Variants in BPTF observed in about 807,000 individuals in gnomAD.
The protein encoded by BPTF is nucleosome-remodeling factor subunit BPTF.
Under a neutral mutation model 292.5 loss-of-function variants are expected in BPTF, and 18 were observed. The ratio of observed to expected loss-of-function variants is 0.06; its 90% CI spans 0.04 to 0.09. The LOEUF is 0.09. Ranked by LOEUF, BPTF falls within the 10% of genes least tolerant of loss-of-function variation. The probability of loss-of-function intolerance (pLI) is 1.00; values close to 1 mark genes in which losing one functional copy is unlikely to be tolerated. For missense variants in BPTF, 2,726 were observed against 3,498.7 expected (o/e 0.78, Z 5.57); for synonymous variants, 1,225 against 1,251.9 (o/e 0.98, Z 0.45).
At chr17:67,966,743 A>G (rs1391799428) in intron 26 of BPTF, 87 bp downstream of exon 26, 3 of 1,180,542 alleles carry the variant, frequency 2.5e-6, no homozygotes, top group Non-Finnish European at 2.3e-6. Context: ...GAATATTTTT[A>G]GCAAGGCTGG....
intron 15 of BPTF, 122 bp from the exon 16 acceptor site, chr17:67,928,233 T>C: frequency 9.1e-7 from 1 of 1,099,616 alleles, no homozygotes; most frequent in Non-Finnish European, 1.3e-6. Context: ...GGAAGTAAAA[T>C]ACTTCAGAAA....
At position 67,842,231 on chromosome 17, in the gene BPTF, C is replaced by T. The variant is rs146642163; in HGVS notation, c.614-11709C>T. Among the ~76,000 whole-genome samples the T allele has an allele frequency of 1.1e-3, 161 of 152,126 alleles. 1 individual carries two copies. Among genetic ancestry groups the T allele is most frequent in the African/African-American group, 3.6e-3 (148 of 41,474 alleles). On this transcript the variant is annotated intron_variant, in intron 1 of 27. Transcript: ENST00000306378. ...ATTGTATATATACATAGACATATATCTACATACATTGACAGATATATATCT... is the reference window on the plus strand; with the variant it reads ...ATTGTATATATACATAGACATATATTTACATACATTGACAGATATATATCT...
chr17:67,968,310 C>T (rs1227229351), intron 26 of BPTF, among the ~76,000 whole-genome samples: 5 of 150,796 alleles, frequency 3.3e-5, no homozygotes. Flanking sequence ...GAAAAATAAA[C>T]GTAATGAAGT....
chr17:67,969,569 A>G (rs912564431), intron 26 of BPTF, among the ~76,000 whole-genome samples: 8 of 151,316 alleles, frequency 5.3e-5, no homozygotes, highest in African/African-American at 1.9e-4. Flanking sequence ...ATCTTCTTCG[A>G]AAACCCATGA....
rs1487429451 is a variant in BPTF at position 67,860,747 on chromosome 17, CAG to C, written c.1437-5714_1437-5713del. Reference sequence around the variant, plus strand: ...ATTATATTTCATTTTTTTGCAGAGACAGAGTCTCACTATGTTGCCAGGCTGGT... The same window carrying C: ...ATTATATTTCATTTTTTTGCAGAGACAGTCTCACTATGTTGCCAGGCTGGT... On this transcript the variant is annotated intron_variant, in intron 2 of 27. Transcript: ENST00000306378. Among the ~76,000 whole-genome samples the C allele has an allele frequency of 6.6e-5, 10 of 152,268 alleles. No homozygotes were observed. The East Asian group carries it at 1.2e-3, about 18-fold the overall frequency.
intron 18 of BPTF, chr17:67,936,538 T>C (rs1458203012): frequency 6.6e-6 from 1 of 152,206 alleles, no homozygotes; most frequent in Non-Finnish European, 1.5e-5. Context: ...CTGACATGCA[T>C]AAGTGAATGT....
At chr17:67,863,774 T>A (rs1372046985) in intron 2 of BPTF, among the ~76,000 whole-genome samples, 2 of 152,212 alleles carry the variant, frequency 1.3e-5, no homozygotes, top group Non-Finnish European at 2.9e-5. Context: ...TTGGGGACAT[T>A]ATTCAACTCA....
intron 27 of BPTF, chr17:67,978,046 G>T (rs1411404489): frequency 6.6e-6 from 1 of 150,778 alleles, no homozygotes; most frequent in African/African-American, 2.4e-5. Flanking sequence ...TAGAGACCTG[G>T]TTTCTCCATG....
intron 1 of BPTF, among the ~76,000 whole-genome samples, chr17:67,845,752 G>A (rs1034850238): frequency 4.6e-5 from 7 of 151,776 alleles, no homozygotes; most frequent in African/African-American, 1.7e-4. Flanking sequence ...TAGCCTGAGC[G>A]ACAGCAAGAT....
chr17:67,981,866 AACACACACAC>A (rs60203396), intron 27 of BPTF: 44 of 133,972 alleles, frequency 3.3e-4, no homozygotes, highest in Non-Finnish European at 5.6e-4. Context: ...AATGTAAATA[AACACACACAC>A]ACACACACAC....
chr17:67,891,909 G>A lies in BPTF; in HGVS notation c.1930G>A (p.Ala644Thr), dbSNP rs769661089. 4 of 1,612,160 alleles carry A rather than the reference G, an allele frequency of 2.5e-6. No homozygotes were observed. In the South Asian group the frequency reaches 3.3e-5, roughly 13 times the overall value. The stretch of plus-strand genomic sequence containing the variant: ...TGAATCTCCTGGAGCTGGAAAAGGA[G>A]CATCTGGCTCAACTCGAATCATCAC... ...LSESPGAGKG[A>T]SGSTRIITRL... Residue 644 changes from alanine to threonine, a missense_variant, in exon 5 of 28, where the codon GCA (alanine) becomes ACA (threonine). By Grantham distance (58) the Ala-to-Thr change is moderately conservative (BLOSUM62 0). This residue lies in a region of BPTF where 187 missense variants were observed against 201.5 expected (regional missense o/e 0.93). Transcript: ENST00000306378.
At chr17:67,933,625 T>C (rs1035075925) in intron 18 of BPTF, among the ~76,000 whole-genome samples, 1 of 152,146 alleles carries the variant, frequency 6.6e-6, no homozygotes, top group Non-Finnish European at 1.5e-5. Context: ...TGAATCTTTA[T>C]GAATTAAGTA....
intron 5 of BPTF, among the ~76,000 whole-genome samples, chr17:67,892,989 G>A (rs2061224186): frequency 1.3e-5 from 2 of 152,106 alleles, no homozygotes; most frequent in East Asian, 3.9e-4. Flanking sequence ...ATATTTTTTG[G>A]GGGATAGTAC....
intron 15 of BPTF, among the ~76,000 whole-genome samples, chr17:67,925,051 GT>G (rs59056539): frequency 0.021 from 2,667 of 126,110 alleles, 23 homozygotes; most frequent in Non-Finnish European, 0.031. Flanking sequence ...ACCCATCCAG[GT>G]TTTTTTTTTT....
intron 4 of BPTF, among the ~76,000 whole-genome samples, chr17:67,881,714 G>T (rs2060419192): frequency 6.6e-6 from 1 of 151,696 alleles, no homozygotes; most frequent in Non-Finnish European, 1.5e-5. Flanking sequence ...TGTTGGCCAG[G>T]CTGGTCTTGA....
In BPTF at chr17:67,945,273, A is replaced by G. The variant is rs546260104; in HGVS notation, c.6701-136A>G. 8.6e-5 allele frequency: 124 copies of G among 1,447,920 alleles called. No individual in the cohort carries two copies. Among genetic ancestry groups the G allele is most frequent in the African/African-American group, 3.3e-4 (23 of 70,176 alleles). The allele number at this position is 1,447,920 out of a possible 1,614,324, so 89.7% of individuals were successfully genotyped here. A position where few individuals can be genotyped will look rare whatever the true frequency, so the allele number is the denominator to read the frequency against. The stretch of plus-strand genomic sequence containing the variant: ...TTGCTCAAACGATCCTCCCACCTCA[A>G]CGTCCCAAGGTGCACAGGTGTGAGC... On this transcript the variant is annotated intron_variant, in intron 20 of 27. Transcript: ENST00000306378.
intron 13 of BPTF, 145 bp downstream of exon 13, chr17:67,920,288 G>A (rs1048412391): frequency 3.4e-6 from 3 of 885,054 alleles, no homozygotes; most frequent in Non-Finnish European, 5.1e-6. Flanking sequence ...TGATATTAAA[G>A]TAATAAACAT....
chr17:67,901,011 C>A (rs2061797894), intron 7 of BPTF, among the ~76,000 whole-genome samples: 1 of 151,282 alleles, frequency 6.6e-6, no homozygotes, highest in South Asian at 2.1e-4. Flanking sequence ...AGAGTGACAA[C>A]CTGTCTTTAA....
At chr17:67,831,643 C>A (rs1442985048) in intron 1 of BPTF, among the ~76,000 whole-genome samples, 14 of 152,048 alleles carry the variant, frequency 9.2e-5, no homozygotes, top group Admixed American at 9.2e-4. Flanking sequence ...TGACTAAAGA[C>A]CCTTAATGGT....
Sources: gnomAD v4.1 joint callset for allele counts (sites outside exome capture counted in the v4.1 genomes callset) on GRCh38, gnomAD v4.1.1 for gene constraint, gnomAD v4.1.1 regional missense constraint, MANE v1.5 for transcripts, NCBI Gene and HGNC (gene_info 2026-07-23, HGNC 2026-07-21) for gene names.